NBEA: variants seen among roughly 807,000 people sequenced by gnomAD.
NBEA encodes the protein lysosomal-trafficking regulator 2.
A neutral mutation model predicts 343.4 loss-of-function variants in NBEA; 44 were observed. That is an observed-to-expected ratio of 0.13 (90% confidence interval 0.10 to 0.16). NBEA has a LOEUF of 0.16. Ranked by LOEUF, NBEA falls within the 10% of genes least tolerant of loss-of-function variation. The pLI is 1.00. For synonymous variants in NBEA, 1,175 were observed against 1,238.7 expected (o/e 0.95, Z 1.08); for missense variants, 2,555 against 3,631.3 (o/e 0.70, Z 7.62).
At chr13:35,468,942 T>A (rs920260004) in intron 40 of NBEA, among the ~76,000 whole-genome samples, 1 of 151,606 alleles carries the variant, frequency 6.6e-6, no homozygotes, top group Non-Finnish European at 1.5e-5. Context: ...CTACTAAAAA[T>A]ACAAAAATTA....
At chr13:35,268,432 G>C (rs1439731926) in intron 34 of NBEA, among the ~76,000 whole-genome samples, 1 of 152,014 alleles carries the variant, frequency 6.6e-6, no homozygotes, top group Non-Finnish European at 1.5e-5. Flanking sequence ...GGATGATGGT[G>C]ATAGTTGTAC....
intron 38 of NBEA, among the ~76,000 whole-genome samples, chr13:35,431,544 G>T (rs1034049792): frequency 3.3e-5 from 5 of 152,138 alleles, no homozygotes; most frequent in African/African-American, 1.2e-4. Flanking sequence ...AAAAGACAGT[G>T]ATGGCCAATG....
At chr13:35,060,589 C>T (rs1165167002) in intron 8 of NBEA, among the ~76,000 whole-genome samples, 2 of 151,794 alleles carry the variant, frequency 1.3e-5, no homozygotes, top group African/African-American at 4.8e-5. Context: ...CAGCTCACTG[C>T]ACCCCTTGTT....
intron 1 of NBEA, among the ~76,000 whole-genome samples, chr13:34,944,783 A>G (rs1334413324): frequency 6.6e-6 from 1 of 152,152 alleles, no homozygotes; most frequent in Non-Finnish European, 1.5e-5. Context: ...ATCATTTTTA[A>G]GTTAGATTAT....
chr13:35,171,563 G>A, intron 26 of NBEA, 111 bp downstream of exon 26: 1 of 876,850 alleles, frequency 1.1e-6, no homozygotes, highest in South Asian at 3.4e-5. Context: ...TATATAATAT[G>A]GAGATTATCT....
chr13:35,587,795 T>C (rs2081354148), intron 46 of NBEA, among the ~76,000 whole-genome samples: 1 of 152,164 alleles, frequency 6.6e-6, no homozygotes, highest in African/African-American at 2.4e-5. Flanking sequence ...AGATTTATTA[T>C]TCCAGCGAAA....
At chr13:35,612,697 G>T (rs1370992355) in intron 48 of NBEA, among the ~76,000 whole-genome samples, 2 of 151,992 alleles carry the variant, frequency 1.3e-5, no homozygotes, top group Non-Finnish European at 2.9e-5. Context: ...CAAATTTTTT[G>T]AATGTAGGAA....
chr13:35,159,662 G>A lies in NBEA; in HGVS notation c.3491G>A (p.Ser1164Asn). Residue 1164 changes from serine to asparagine, a missense_variant, in exon 22 of 59, where the codon AGC becomes AAC. Around this residue, in one of 21 missense-constraint regions of NBEA, gnomAD observed 367 missense variants for 377.5 expected, o/e 0.97. Coordinates refer to ENST00000379939, the MANE Select transcript of NBEA (RefSeq NM_001385012.1). ...QEEKLLPELS[S>N]NHIIPNIQDT... ...GAAAAACTACTTCCTGAACTTTCTAGCAATCACATTATTCCAAATATTCAG... is the reference window on the plus strand; with the variant it reads ...GAAAAACTACTTCCTGAACTTTCTAACAATCACATTATTCCAAATATTCAG... 1 of 1,611,324 alleles carries A rather than the reference G, an allele frequency of 6.2e-7. No homozygotes were observed. Among genetic ancestry groups the A allele is most frequent in the Non-Finnish European group, 8.5e-7 (1 of 1,178,760 alleles).
chr13:35,623,556 TTAACTA>T (rs969382542), intron 48 of NBEA, among the ~76,000 whole-genome samples: 8 of 152,092 alleles, frequency 5.3e-5, no homozygotes, highest in African/African-American at 1.9e-4. Context: ...ACAAAATTAT[TTAACTA>T]TAATTAATTA....
chr13:35,277,622 CAAAAAAAAAA>C lies in NBEA; in HGVS notation c.5777-12750_5777-12741del, dbSNP rs10603160. Among the ~76,000 whole-genome samples the C allele has an allele frequency of 3.4e-4, 17 of 49,910 alleles. No individual in the cohort carries two copies. In the East Asian group the frequency reaches 4.4e-3, roughly 13 times the overall value. 32.7% of individuals were successfully genotyped at this position (49,910 alleles called of 152,430 possible). On this transcript the variant is annotated intron_variant, in intron 34 of 58. Coordinates refer to ENST00000379939, the MANE Select transcript of NBEA (RefSeq NM_001385012.1). Reference sequence around the variant, plus strand: ...GGCAACAAGAAAGAAACTCCGTCTCCAAAAAAAAAAAAAAAAAAAAAAAAAAGTGGGGGAA... The same window carrying C: ...GGCAACAAGAAAGAAACTCCGTCTCCAAAAAAAAAAAAAAAAGTGGGGGAA...
At chr13:35,316,525 T>G in intron 36 of NBEA, among the ~76,000 whole-genome samples, 1 of 152,220 alleles carries the variant, frequency 6.6e-6, no homozygotes, top group East Asian at 1.9e-4. Flanking sequence ...GCATTTAGGT[T>G]AGTTCCAAGT....
At chr13:35,273,428 C>T (rs2152805924) in intron 34 of NBEA, among the ~76,000 whole-genome samples, 1 of 152,132 alleles carries the variant, frequency 6.6e-6, no homozygotes, top group Non-Finnish European at 1.5e-5. Context: ...AAAATCGACA[C>T]CCTAACATCA....
intron 17 of NBEA, among the ~76,000 whole-genome samples, chr13:35,135,955 A>G (rs1336001423): frequency 1.3e-5 from 2 of 151,874 alleles, no homozygotes; most frequent in Non-Finnish European, 2.9e-5. Flanking sequence ...CAAACATTTT[A>G]CAAAGAATAA....
intron 11 of NBEA, 26 bp from the exon 12 acceptor site, chr13:35,109,264 G>A (rs1315485498): frequency 6.5e-7 from 1 of 1,544,422 alleles, no homozygotes; most frequent in East Asian, 2.3e-5. Flanking sequence ...GATGTTTCAA[G>A]CTAGAATTTC....
intron 2 of NBEA, among the ~76,000 whole-genome samples, chr13:35,043,904 A>G (rs1434529470): frequency 6.6e-6 from 1 of 151,970 alleles, no homozygotes; most frequent in Non-Finnish European, 1.5e-5. Context: ...AGCTTTTAGA[A>G]TATATATGTG....
intron 38 of NBEA, among the ~76,000 whole-genome samples, chr13:35,372,938 G>A (rs757813851): frequency 1.3e-5 from 2 of 152,136 alleles, no homozygotes; most frequent in Non-Finnish European, 2.9e-5. Context: ...GGCCTCAGGG[G>A]TATGTGGGAT....
chr13:35,593,294 G>A (rs745642573), intron 46 of NBEA, 34 bp from the exon 47 acceptor site: 1 of 1,609,276 alleles, frequency 6.2e-7, no homozygotes, highest in East Asian at 2.2e-5. Flanking sequence ...TGTGTTTAGA[G>A]TGGTCAAATT....
intron 38 of NBEA, among the ~76,000 whole-genome samples, chr13:35,398,450 C>A (rs563981171): frequency 4.9e-4 from 74 of 152,088 alleles, no homozygotes; most frequent in Non-Finnish European, 9.9e-4. Flanking sequence ...CTAGCTATAG[C>A]ATTACAAAAT....
intron 34 of NBEA, among the ~76,000 whole-genome samples, chr13:35,289,883 T>G (rs529566687): frequency 4.5e-4 from 68 of 151,976 alleles, no homozygotes; most frequent in African/African-American, 1.6e-3. Context: ...TTTTTATTAT[T>G]TTTAAAATTA....
Sources: gnomAD v4.1 joint callset for allele counts (sites outside exome capture counted in the v4.1 genomes callset) on GRCh38, gnomAD v4.1.1 for gene constraint, gnomAD v4.1.1 regional missense constraint, MANE v1.5 for transcripts, NCBI Gene and HGNC (gene_info 2026-07-23, HGNC 2026-07-21) for gene names.